Variants in ADAM28 observed in about 807,000 individuals in gnomAD.
The protein encoded by ADAM28 is disintegrin and metalloproteinase domain-containing protein 28.
In ADAM28, 105 loss-of-function variants were observed where a neutral mutation model predicts 101.2. The observed-to-expected ratio is 1.04, with a 90% CI of 0.89 to 1.22. The LOEUF (loss-of-function observed/expected upper bound fraction) is 1.22, where lower values mean the gene tolerates loss of function less well. Among genes scored for constraint, ADAM28 ranks in the 50% most tolerant of loss-of-function variants. The probability of loss-of-function intolerance (pLI) is 0.00; values close to 1 mark genes in which losing one functional copy is unlikely to be tolerated. For missense variants in ADAM28, 1,028 were observed against 945.4 expected, an observed-to-expected ratio of 1.09 and a Z score of -1.15; for synonymous variants, 322 against 310.6, an observed-to-expected ratio of 1.04 and a Z score of -0.39.
chr8:24,345,374 A>T (rs1815286095), intron 18 of ADAM28, among the ~76,000 whole-genome samples: 1 of 151,958 alleles, frequency 6.6e-6, no homozygotes, highest in South Asian at 2.1e-4. Context: ...ATTATATTCC[A>T]TATTGGGTCA....
chr8:24,326,566 T>C lies in ADAM28; in HGVS notation c.903T>C (p.Leu301=). Reference sequence around the variant, plus strand: ...TCCTTTCTTGCAGAGCAACAGAACTTGCTGGAACGACTGTGGGTCTTGCAT... The same window carrying C: ...TCCTTTCTTGCAGAGCAACAGAACTCGCTGGAACGACTGTGGGTCTTGCAT... ...DIAQLITATE[L]AGTTVGLAFM... Residue 301 remains leucine (L), a synonymous_variant, in exon 10 of 23, where the codon CTT becomes CTC. Coordinates refer to ENST00000265769, the MANE Select transcript of ADAM28 (RefSeq NM_014265.6). The C allele has an allele frequency of 6.2e-7, 1 of 1,612,010 alleles. No individual in the cohort carries two copies. The highest frequency in any genetic ancestry group is 8.5e-7 in the Non-Finnish European group (1 of 1,178,656).
chr8:24,336,580 CAAAAAAAA>C (rs769016133), intron 14 of ADAM28, among the ~76,000 whole-genome samples: 2 of 61,642 alleles, frequency 3.2e-5, no homozygotes, highest in African/African-American at 1.3e-4. Context: ...ACTCCGTCTC[CAAAAAAAA>C]AAAAAAAAAA....
intron 13 of ADAM28, among the ~76,000 whole-genome samples, chr8:24,335,169 T>C (rs1466923405): frequency 6.6e-6 from 1 of 151,924 alleles, no homozygotes; most frequent in East Asian, 1.9e-4. Flanking sequence ...GTTGCCTGTT[T>C]TTTTTTTTTC....
intron 1 of ADAM28, among the ~76,000 whole-genome samples, chr8:24,297,579 T>C (rs773952479): frequency 7.9e-5 from 12 of 152,246 alleles, no homozygotes; most frequent in Admixed American, 4.6e-4. Flanking sequence ...GGCTGCAACA[T>C]TGGTGAAATT....
rs1204658261 is a variant in ADAM28, at chr8:24,355,197, T to C, written c.*793T>C. On this transcript the variant is annotated 3_prime_UTR_variant, in exon 23 of 23. Coordinates refer to ENST00000265769, the MANE Select transcript of ADAM28 (RefSeq NM_014265.6). ...TGAGAGATCTTGCATAAACAATAGA[T>C]TCCCAGCTTTGTCAGATGTAATCTA... 1 of 152,524 alleles carries C rather than the reference T, an allele frequency of 6.6e-6. No homozygotes were observed. Among genetic ancestry groups the C allele is most frequent in the Non-Finnish European group, 1.5e-5 (1 of 68,010 alleles). 9.4% of individuals were successfully genotyped at this position (152,524 alleles called of 1,614,324 possible). A position where few individuals can be genotyped will look rare whatever the true frequency, so the allele number is the denominator to read the frequency against.
intron 2 of ADAM28, among the ~76,000 whole-genome samples, chr8:24,301,656 C>T (rs1808794165): frequency 6.6e-6 from 1 of 152,168 alleles, no homozygotes; most frequent in Non-Finnish European, 1.5e-5. Flanking sequence ...ATTCAAACCT[C>T]TGTTTGACTC....
chr8:24,312,862 T>G (rs1810655558), intron 5 of ADAM28, among the ~76,000 whole-genome samples: 1 of 152,164 alleles, frequency 6.6e-6, no homozygotes, highest in Non-Finnish European at 1.5e-5. Flanking sequence ...TAATATTTAT[T>G]TGTCATGTGC....
chr8:24,313,385 C>A lies in ADAM28; in HGVS notation c.384-3C>A. The A allele has an allele frequency of 1.3e-6, 2 of 1,599,078 alleles. No homozygotes were observed. Among genetic ancestry groups the A allele is most frequent in the Non-Finnish European group, 8.5e-7 (1 of 1,174,412 alleles). Reference sequence around the variant, plus strand: ...AGAAGCCAGAACTCTCATGTTTTTTCAGGGGCTACTTCAGTCAGGGGGATC... The same window carrying A: ...AGAAGCCAGAACTCTCATGTTTTTTAAGGGGCTACTTCAGTCAGGGGGATC... On this transcript the variant is annotated splice_region_variant and splice_polypyrimidine_tract_variant and intron_variant, in intron 5 of 22. Transcript: ENST00000265769.
intron 15 of ADAM28, among the ~76,000 whole-genome samples, chr8:24,340,300 C>T (rs1013265775): frequency 6.6e-6 from 1 of 152,136 alleles, no homozygotes; most frequent in Non-Finnish European, 1.5e-5. Flanking sequence ...ACGAATTTCT[C>T]TGAATGACAG....
At chr8:24,322,285 A>G (rs1811980089) in intron 8 of ADAM28, among the ~76,000 whole-genome samples, 1 of 151,896 alleles carries the variant, frequency 6.6e-6, no homozygotes, top group Non-Finnish European at 1.5e-5. Context: ...TCATTTATAT[A>G]GCAGATGGGG....
chr8:24,314,484 G>A (rs1810894992), intron 6 of ADAM28, among the ~76,000 whole-genome samples: 1 of 152,008 alleles, frequency 6.6e-6, no homozygotes, highest in Admixed American at 6.6e-5. Context: ...TATTGATACT[G>A]CTTTTATTTC....
In ADAM28 at chr8:24,356,271, G is replaced by GTGTT. The variant is rs1563338700; in HGVS notation, c.*1868_*1871dup. 2 of 152,152 alleles carry GTGTT rather than the reference G, an allele frequency of 1.3e-5. No individual in the cohort carries two copies. The highest frequency in any genetic ancestry group is 1.9e-4 in the East Asian group (1 of 5,198). The allele number at this position is 152,152 out of a possible 1,614,324, so 9.4% of individuals were successfully genotyped here. On this transcript the variant is annotated 3_prime_UTR_variant, in exon 23 of 23. Coordinates refer to ENST00000265769, the MANE Select transcript of ADAM28 (RefSeq NM_014265.6). ...TCGTGACCAACTTGTGAACTTTTCT[G>GTGTT]TGTTGTTGTTGTTGTTTTTTAAATA...
intron 18 of ADAM28, among the ~76,000 whole-genome samples, chr8:24,344,832 T>C (rs974199634): frequency 5.3e-5 from 8 of 152,128 alleles, no homozygotes; most frequent in African/African-American, 1.9e-4. Context: ...GACTAATTTC[T>C]TCCTGGTGTA....
intron 19 of ADAM28, 70 bp downstream of exon 19, chr8:24,350,042 A>T: frequency 7.5e-7 from 1 of 1,329,344 alleles, no homozygotes; most frequent in African/African-American, 1.5e-5. Flanking sequence ...AATTCAATGT[A>T]TAACCTATCC....
chr8:24,351,849 T>A, intron 20 of ADAM28, 138 bp from the exon 21 acceptor site: 4 of 718,922 alleles, frequency 5.6e-6, no homozygotes, highest in Non-Finnish European at 9.3e-6. Context: ...GCAGGACCAC[T>A]GTGATTTTCT....
chr8:24,316,983 G>A (rs1353497223), intron 6 of ADAM28, among the ~76,000 whole-genome samples: 1 of 146,916 alleles, frequency 6.8e-6, no homozygotes, highest in Admixed American at 6.7e-5. Context: ...TAATACTTGG[G>A]AATAAATTTT....
At chr8:24,305,268 C>A (rs144220153) in intron 2 of ADAM28, among the ~76,000 whole-genome samples, 236 of 151,744 alleles carry the variant, frequency 1.6e-3, no homozygotes, top group African/African-American at 5.5e-3. Flanking sequence ...TGAAATCGTG[C>A]GTCAGTCACA....
chr8:24,331,203 T>A lies in ADAM28; in HGVS notation c.1157T>A (p.Phe386Tyr), dbSNP rs1440335597. The A allele has an allele frequency of 1.2e-6, 2 of 1,613,606 alleles. No individual in the cohort carries two copies. The highest frequency in any genetic ancestry group is 1.7e-6 in the Non-Finnish European group (2 of 1,179,698). Residue 386 changes from phenylalanine (F) to tyrosine (Y), a missense_variant, in exon 12 of 23, where the codon TTT becomes TAT. By Grantham distance (22) the Phe-to-Tyr change is conservative (BLOSUM62 3). Coordinates refer to ENST00000265769, the MANE Select transcript of ADAM28 (RefSeq NM_014265.6). The part of the protein sequence containing the change: ...SSCSRLSYDK[F>Y]FEDKLSNCLF... Reference sequence around the variant, plus strand: ...TGCAGCCGTCTCAGCTATGACAAGTTTTTTGAAGATAAATTATCAAATTGC... The same window carrying A: ...TGCAGCCGTCTCAGCTATGACAAGTATTTTGAAGATAAATTATCAAATTGC...
rs148416433 is a variant in ADAM28 at position 24,350,219 on chromosome 8, C to T, written c.2099+247C>T. ...GTTATAATAATAAGAGTGATATTAA[C>T]TCTCATTATGACAGATTTTTTGAAT... On this transcript the variant is annotated intron_variant, in intron 19 of 22. Transcript: ENST00000265769. 1.2e-4 allele frequency among the ~76,000 whole-genome samples: 18 copies of T among 152,198 alleles called. No homozygotes were observed. In the East Asian group the frequency reaches 3.3e-3, roughly 28 times the overall value.
Sources: allele counts gnomAD v4.1 joint callset (sites outside exome capture counted in the v4.1 genomes callset), GRCh38; gene constraint gnomAD v4.1.1; transcripts MANE v1.5; gene names NCBI Gene and HGNC (gene_info 2026-07-23, HGNC 2026-07-21).